The following ZNF37A variants were observed in gnomAD, a reference collection of about 807,000 sequenced individuals.
The protein encoded by ZNF37A is zinc finger protein 37A.
In ZNF37A, 10 loss-of-function variants were observed where a neutral mutation model predicts 12.3. The observed-to-expected ratio is 0.82, with a 90% CI of 0.50 to 1.38. The LOEUF (loss-of-function observed/expected upper bound fraction) is 1.38, where lower values mean the gene tolerates loss of function less well. Among genes scored for constraint, ZNF37A ranks in the 40% most tolerant of loss-of-function variants. ZNF37A has a pLI of 0.00. For synonymous variants in ZNF37A, 207 were observed against 223.0 expected (o/e 0.93, Z 0.64); for missense variants, 580 against 651.2 (o/e 0.89, Z 1.19).
At chr10:38,102,993 C>T (rs1317397119) in intron 5 of ZNF37A, among the ~76,000 whole-genome samples, 3 of 152,062 alleles carry the variant, frequency 2.0e-5, no homozygotes, top group African/African-American at 7.2e-5. Flanking sequence ...TGTCTTCTGA[C>T]AATTTATTAT....
Position 38,117,740 on chromosome 10 carries a change from A to T in ZNF37A, c.589A>T (p.Arg197Ter), listed in dbSNP as rs1168547076. Reference protein sequence around the residue: ...FFITHQQTHPRENHYGNECGE... With the variant: ...FFITHQQTHP ...CATCACTCATCAGCAAACACATCCA[A>T]GAGAAAACCACTATGGTAATGAATG... Residue 197 changes from arginine (R) to a stop codon, truncating the protein, a stop_gained, in exon 8 of 8, where the codon AGA becomes TGA. Coordinates refer to ENST00000685332, the MANE Select transcript of ZNF37A (RefSeq NM_001324250.3). LOFTEE classifies it low-confidence loss of function (END_TRUNC). 1.2e-6 allele frequency: 2 copies of T among 1,613,996 alleles called. No individual in the cohort carries two copies. Among genetic ancestry groups the T allele is most frequent in the Non-Finnish European group, 1.7e-6 (2 of 1,179,990 alleles).
At chr10:38,098,640 C>T (rs1420280405) in intron 5 of ZNF37A, among the ~76,000 whole-genome samples, 1 of 151,962 alleles carries the variant, frequency 6.6e-6, no homozygotes, top group Non-Finnish European at 1.5e-5. Flanking sequence ...GTTGCATATC[C>T]TTGCTTAAAT....
intron 7 of ZNF37A, chr10:38,141,337 A>G (rs944003655): frequency 6.6e-6 from 1 of 152,146 alleles, no homozygotes; most frequent in African/African-American, 2.4e-5. Context: ...GGTTCATGTC[A>G]CCAGTGATGC....
rs144362921 is a variant in ZNF37A, at chr10:38,105,808, G to A, written c.16-8947G>A. Among the ~76,000 whole-genome samples, 133 of 152,076 alleles carry A rather than the reference G, an allele frequency of 8.7e-4. 1 individual carries two copies. In the Middle Eastern group the frequency reaches 0.024, roughly 27 times the overall value. On this transcript the variant is annotated intron_variant, in intron 5 of 7. Coordinates refer to ENST00000685332, the MANE Select transcript of ZNF37A (RefSeq NM_001324250.3). ...TTTCCTTTTGGATTGTTCATTGTTG[G>A]AGTATTTTTTTTAAAAAAACCTAAT...
intron 7 of ZNF37A, among the ~76,000 whole-genome samples, chr10:38,135,851 C>T (rs1278048493): frequency 1.3e-5 from 2 of 152,148 alleles, no homozygotes; most frequent in Non-Finnish European, 1.5e-5. Flanking sequence ...CCTCATGATT[C>T]AATTACCTCC....
At chr10:38,143,426 T>C (rs2070211581) in intron 7 of ZNF37A, 1 of 152,114 alleles carries the variant, frequency 6.6e-6, no homozygotes, top group Non-Finnish European at 1.5e-5. Flanking sequence ...AGACAGCAAA[T>C]TGATGTTTTA....
chr10:38,117,798 T>C lies in ZNF37A; in HGVS notation c.647T>C (p.Leu216Pro). The change falls in exon 8 of 8, where the codon CTT (leucine) becomes CCT (proline). Residue 216 changes from leucine (L) to proline (P), a missense_variant. Coordinates refer to ENST00000685332, the MANE Select transcript of ZNF37A (RefSeq NM_001324250.3). Reference protein sequence around the residue: ...GENIFEESILLEHQSVYPFSQ... With the variant: ...GENIFEESILPEHQSVYPFSQ... ...AATATCTTTGAGGAATCCATTCTCCTTGAACATCAGAGTGTTTACCCATTC... is the reference window on the plus strand; with the variant it reads ...AATATCTTTGAGGAATCCATTCTCCCTGAACATCAGAGTGTTTACCCATTC... The C allele has an allele frequency of 6.2e-7, 1 of 1,614,020 alleles. No individual in the cohort carries two copies.
chr10:38,099,174 A>G (rs943371351), intron 5 of ZNF37A, among the ~76,000 whole-genome samples: 2 of 152,158 alleles, frequency 1.3e-5, no homozygotes, highest in African/African-American at 2.4e-5. Flanking sequence ...GGGATGTACA[A>G]TTCAGAAGCA....
chr10:38,103,176 G>T (rs909134868), intron 5 of ZNF37A, among the ~76,000 whole-genome samples: 2 of 152,022 alleles, frequency 1.3e-5, no homozygotes, highest in Admixed American at 1.3e-4. Context: ...TAACTTGTGG[G>T]TATGTTTGAT....
At chr10:38,095,955 G>T (rs924373328) in intron 4 of ZNF37A, among the ~76,000 whole-genome samples, 151 bp downstream of exon 4, 2 of 151,742 alleles carry the variant, frequency 1.3e-5, no homozygotes, top group Admixed American at 6.5e-5. Flanking sequence ...GGGAGGCTGA[G>T]GGGGGTGGAT....
intron 7 of ZNF37A, among the ~76,000 whole-genome samples, chr10:38,116,053 G>C (rs1489324386): frequency 6.6e-6 from 1 of 152,114 alleles, no homozygotes; most frequent in Non-Finnish European, 1.5e-5. Flanking sequence ...CTGGGTGACA[G>C]AGCAAGATTC....
At chr10:38,132,358 A>G (rs1014569323) in intron 7 of ZNF37A, among the ~76,000 whole-genome samples, 9 of 152,088 alleles carry the variant, frequency 5.9e-5, no homozygotes, top group African/African-American at 1.7e-4. Context: ...TGAAACGATC[A>G]TGTATAGGTT....
At chr10:38,103,940 G>C (rs548475608) in intron 5 of ZNF37A, among the ~76,000 whole-genome samples, 1 of 152,284 alleles carries the variant, frequency 6.6e-6, no homozygotes, top group South Asian at 2.1e-4. Context: ...TTACATCTCT[G>C]CATTAACCTT....
chr10:38,097,105 G>C (rs1280652776), intron 5 of ZNF37A, among the ~76,000 whole-genome samples: 2 of 152,332 alleles, frequency 1.3e-5, no homozygotes, highest in East Asian at 3.9e-4. Flanking sequence ...CAGATCTTGT[G>C]ATCTCACAGA....
Position 38,112,751 on chromosome 10 carries a change from T to G in ZNF37A, c.16-2004T>G, listed in dbSNP as rs920946860. On this transcript the variant is annotated intron_variant, in intron 5 of 7. Coordinates refer to ENST00000685332, the MANE Select transcript of ZNF37A (RefSeq NM_001324250.3). ...ATCCATTTTCTTTTCTTTTCTTTTC[T>G]TTTCTTTTCTTTTCTTTTCTTTTCT... Among the ~76,000 whole-genome samples, 229 of 48,486 alleles carry G rather than the reference T, an allele frequency of 4.7e-3. 47 individuals carry two copies. Among genetic ancestry groups the G allele is most frequent in the East Asian group, 0.021 (25 of 1,168 alleles). The allele number at this position is 48,486 out of a possible 152,430, so 31.8% of individuals were successfully genotyped here. A position where few individuals can be genotyped will look rare whatever the true frequency, so the allele number is the denominator to read the frequency against.
At chr10:38,129,082 G>A (rs2136073852), downstream of ZNF37A, among the ~76,000 whole-genome samples, 1 of 151,606 alleles carries the variant, frequency 6.6e-6, no homozygotes, top group South Asian at 2.1e-4. Context: ...GTTTCTGTGA[G>A]CACTCAGTAA....
chr10:38,117,500 C>T lies in ZNF37A; in HGVS notation c.349C>T (p.Pro117Ser), dbSNP rs1231866163. 1 of 1,612,996 alleles carries T rather than the reference C, an allele frequency of 6.2e-7. No individual in the cohort carries two copies. The change falls in exon 8 of 8, where the codon CCT (proline) becomes TCT (serine). Residue 117 changes from proline to serine, a missense_variant. Physicochemically the swap from Pro to Ser is moderately conservative, Grantham distance 74 (BLOSUM62 -1). Transcript: ENST00000685332. ...KHEIIHSEEEPSEYNKNGNSF... is the reference protein window; with the variant it reads ...KHEIIHSEEESSEYNKNGNSF... ...TGAAATAATTCATTCTGAAGAGGAA[C>T]CTTCTGAATATAATAAAAATGGGAA...
downstream of ZNF37A, chr10:38,125,551 A>C (rs917040134): frequency 2.0e-5 from 3 of 152,202 alleles, no homozygotes; most frequent in African/African-American, 7.2e-5. Flanking sequence ...TAAACATAAA[A>C]TCTCAATGGG....
chr10:38,134,904 T>A (rs2070086943), intron 7 of ZNF37A, among the ~76,000 whole-genome samples: 1 of 152,222 alleles, frequency 6.6e-6, no homozygotes, highest in African/African-American at 2.4e-5. Context: ...CGTTATAAGT[T>A]TTTGTTCCTT....
Sources: allele counts gnomAD v4.1 joint callset (sites outside exome capture counted in the v4.1 genomes callset), GRCh38; gene constraint gnomAD v4.1.1; transcripts MANE v1.5; gene names NCBI Gene and HGNC (gene_info 2026-07-23, HGNC 2026-07-21).